Variants in BACH2 observed in about 807,000 individuals in gnomAD.
BACH2 encodes transcription regulator protein BACH2.
Under a neutral mutation model 61.8 loss-of-function variants are expected in BACH2, and 5 were observed. The observed-to-expected ratio is 0.08, with a 90% CI of 0.04 to 0.17. The LOEUF is 0.17. Ranked by LOEUF, BACH2 falls within the 10% of genes least tolerant of loss-of-function variation. The pLI, the probability that BACH2 is intolerant of heterozygous loss-of-function variation, is 1.00. For synonymous variants in BACH2, 446 were observed against 440.1 expected, an observed-to-expected ratio of 1.01 and a Z score of -0.17; for missense variants, 824 against 1,091.1, an observed-to-expected ratio of 0.76 and a Z score of 3.45.
chr6:90,123,340 G>C (rs951399172), intron 4 of BACH2, among the ~76,000 whole-genome samples: 1 of 152,172 alleles, frequency 6.6e-6, no homozygotes, highest in Non-Finnish European at 1.5e-5. Flanking sequence ...AGGAAGTGTG[G>C]CCCTGAAACA....
At chr6:89,967,557 G>A (rs79179646) in intron 6 of BACH2, among the ~76,000 whole-genome samples, 589 of 152,258 alleles carry the variant, frequency 3.9e-3, no homozygotes, top group African/African-American at 0.013. Flanking sequence ...TGGCAGGGAG[G>A]ATTCATAGAG....
At chr6:90,227,497 T>C (rs1392490934) in intron 3 of BACH2, among the ~76,000 whole-genome samples, 1 of 152,226 alleles carries the variant, frequency 6.6e-6, no homozygotes, top group Non-Finnish European at 1.5e-5. Flanking sequence ...TTCTAATTTC[T>C]GAACAAAGAG....
chr6:90,060,120 TATA>T (rs1267816694), intron 5 of BACH2, among the ~76,000 whole-genome samples: 3 of 148,056 alleles, frequency 2.0e-5, no homozygotes, highest in Admixed American at 6.7e-5. Context: ...AAACTTAAAG[TATA>T]ATAACAGTAA....
At chr6:90,016,545 TA>T (rs977490464) in intron 5 of BACH2, among the ~76,000 whole-genome samples, 1 of 152,212 alleles carries the variant, frequency 6.6e-6, no homozygotes, top group Non-Finnish European at 1.5e-5. Context: ...CCATGTCGTG[TA>T]AAGCACAGTA....
At chr6:89,997,971 T>C (rs185717708) in intron 6 of BACH2, among the ~76,000 whole-genome samples, 2 of 152,216 alleles carry the variant, frequency 1.3e-5, no homozygotes, top group Admixed American at 1.3e-4. Context: ...ATTAAAGAAA[T>C]CAATAGAAAA....
chr6:90,026,109 T>G (rs1236531701), intron 5 of BACH2, among the ~76,000 whole-genome samples: 5 of 152,096 alleles, frequency 3.3e-5, no homozygotes, highest in Non-Finnish European at 5.9e-5. Context: ...GAATCAAGAC[T>G]AAGAAAAGAC....
chr6:89,941,040 T>C (rs1213712596), intron 7 of BACH2, among the ~76,000 whole-genome samples: 3 of 151,906 alleles, frequency 2.0e-5, no homozygotes, highest in East Asian at 1.9e-4. Context: ...CAGAAAAACA[T>C]ATGGGTCTGG....
chr6:89,983,394 C>G (rs1045805325), intron 6 of BACH2, among the ~76,000 whole-genome samples: 2 of 152,184 alleles, frequency 1.3e-5, no homozygotes, highest in African/African-American at 4.8e-5. Context: ...AATAGCCAGG[C>G]GTGGTGGCTC....
At chr6:90,277,464 G>C (rs1326414601) in intron 1 of BACH2, among the ~76,000 whole-genome samples, 1 of 152,196 alleles carries the variant, frequency 6.6e-6, no homozygotes, top group Non-Finnish European at 1.5e-5. Flanking sequence ...TCCCAAGTCA[G>C]AGTAGTGGCT....
chr6:90,246,195 T>C (rs1044742183), intron 3 of BACH2, among the ~76,000 whole-genome samples: 3 of 152,220 alleles, frequency 2.0e-5, no homozygotes, highest in African/African-American at 7.2e-5. Context: ...TCTGTTTTTC[T>C]GTGCCTCTAC....
intron 7 of BACH2, among the ~76,000 whole-genome samples, chr6:89,945,529 G>T (rs911202955): frequency 6.6e-6 from 1 of 152,208 alleles, no homozygotes; most frequent in African/African-American, 2.4e-5. Context: ...GTAGATTACT[G>T]GTTGCCTGGG....
At chr6:90,163,685 C>T (rs1767490641) in intron 4 of BACH2, among the ~76,000 whole-genome samples, 1 of 152,090 alleles carries the variant, frequency 6.6e-6, no homozygotes, top group Non-Finnish European at 1.5e-5. Context: ...CAAATTTTAT[C>T]CATTCAGGAT....
At chr6:90,140,713 T>C (rs1467903805) in intron 4 of BACH2, among the ~76,000 whole-genome samples, 1 of 152,174 alleles carries the variant, frequency 6.6e-6, no homozygotes, top group Non-Finnish European at 1.5e-5. Context: ...AAAACAAACA[T>C]ATTCTACAGC....
At chr6:90,295,661 G>A (rs928887309) in intron 1 of BACH2, among the ~76,000 whole-genome samples, 3 of 151,234 alleles carry the variant, frequency 2.0e-5, no homozygotes, top group Non-Finnish European at 4.4e-5. Flanking sequence ...TAGGGTGTGT[G>A]TGTGTGTGTG....
intron 4 of BACH2, among the ~76,000 whole-genome samples, chr6:90,203,964 T>A (rs1413836379): frequency 6.6e-6 from 1 of 152,176 alleles, no homozygotes; most frequent in Admixed American, 6.5e-5. Context: ...GGTAGTCCTG[T>A]TAAATTAGTG....
At chr6:90,084,875 G>T (rs1429407432) in intron 5 of BACH2, among the ~76,000 whole-genome samples, 1 of 151,984 alleles carries the variant, frequency 6.6e-6, no homozygotes, top group Non-Finnish European at 1.5e-5. Context: ...TGAAACCATG[G>T]ATCCTTATAG....
At chr6:90,035,144 T>C (rs1236027519) in intron 5 of BACH2, among the ~76,000 whole-genome samples, 2 of 152,062 alleles carry the variant, frequency 1.3e-5, no homozygotes, top group African/African-American at 2.4e-5. Context: ...GTTGAGTAAA[T>C]AGCACATGAA....
intron 4 of BACH2, among the ~76,000 whole-genome samples, chr6:90,174,667 C>A (rs1274864084): frequency 6.6e-6 from 1 of 151,580 alleles, no homozygotes; most frequent in African/African-American, 2.4e-5. Context: ...AATGTAGGAC[C>A]CTTTGACAGT....
rs535573171 is a variant in BACH2, at chr6:90,229,224, C to T, written c.-274-22543G>A. Among the ~76,000 whole-genome samples the T allele has an allele frequency of 1.5e-3, 221 of 152,226 alleles. 1 individual carries two copies. Among genetic ancestry groups the T allele is most frequent in the South Asian group, 1.9e-3 (9 of 4,826 alleles). ...CTGTAATCCTAGCACTTTGGGAGGC[C>T]GAGGCAGGCGGATGACCTGAGGTCG... is the stretch of plus-strand genomic sequence containing the variant. On this transcript the variant is annotated intron_variant, in intron 3 of 8. Transcript: ENST00000257749.
Sources: gnomAD v4.1 joint callset for allele counts (sites outside exome capture counted in the v4.1 genomes callset) on GRCh38, gnomAD v4.1.1 for gene constraint, MANE v1.5 for transcripts, NCBI Gene and HGNC (gene_info 2026-07-23, HGNC 2026-07-21) for gene names.